The following ZPLD1 variants were observed in gnomAD, a reference collection of about 807,000 sequenced individuals.
The protein encoded by ZPLD1 is zona pellucida like domain containing 1, also known as zona pellucida-like domain-containing protein 1.
In ZPLD1, 34 loss-of-function variants were observed where a neutral mutation model predicts 47.2. That is an observed-to-expected ratio of 0.72 (90% CI 0.55 to 0.96). ZPLD1 has a LOEUF of 0.96. Ranked by LOEUF, ZPLD1 falls within the 40% of genes least tolerant of loss-of-function variation. The probability of loss-of-function intolerance (pLI) is 0.00; values close to 1 mark genes in which losing one functional copy is unlikely to be tolerated. For synonymous variants in ZPLD1, 176 were observed against 186.2 expected (o/e 0.95, Z 0.45); for missense variants, 512 against 505.8 (o/e 1.01, Z -0.12).
chr3:102,405,866 G>A (rs1029568054), intron 7 of ZPLD1, among the ~76,000 whole-genome samples: 17 of 151,884 alleles, frequency 1.1e-4, no homozygotes, highest in South Asian at 4.1e-4. Context: ...TGGATCTTTC[G>A]CCCGTTTGGG....
At chr3:102,473,799 T>C (rs1045527738) in intron 10 of ZPLD1, among the ~76,000 whole-genome samples, 1 of 152,190 alleles carries the variant, frequency 6.6e-6, no homozygotes, top group African/African-American at 2.4e-5. Flanking sequence ...AACTTCATGT[T>C]CAACTTCATG....
At chr3:102,435,759 C>G (rs1361763661) in intron 1 of ZPLD1, among the ~76,000 whole-genome samples, 1 of 151,774 alleles carries the variant, frequency 6.6e-6, no homozygotes, top group African/African-American at 2.4e-5. Context: ...TCTCCTGCCT[C>G]AGCCTCCCGA....
At chr3:102,390,096 G>A (rs963031123) in intron 6 of ZPLD1, among the ~76,000 whole-genome samples, 5 of 152,152 alleles carry the variant, frequency 3.3e-5, no homozygotes, top group African/African-American at 1.2e-4. Context: ...TTAATAACCA[G>A]ATATAACTTG....
At chr3:102,461,656 G>T (rs757224803) in intron 6 of ZPLD1, among the ~76,000 whole-genome samples, 1 of 151,870 alleles carries the variant, frequency 6.6e-6, no homozygotes, top group Non-Finnish European at 1.5e-5. Flanking sequence ...ATTATTTAAA[G>T]CTTGCATCTT....
chr3:102,393,128 G>A (rs1706517120), intron 7 of ZPLD1, among the ~76,000 whole-genome samples: 1 of 151,978 alleles, frequency 6.6e-6, no homozygotes, highest in Non-Finnish European at 1.5e-5. Context: ...TTATATATTG[G>A]AACTAAAGTT....
intron 3 of ZPLD1, among the ~76,000 whole-genome samples, chr3:102,447,274 C>T (rs1307075212): frequency 6.6e-6 from 1 of 152,094 alleles, no homozygotes; most frequent in Non-Finnish European, 1.5e-5. Flanking sequence ...CCATGTTGGC[C>T]AGGATGGTCT....
intron 5 of ZPLD1, 43 bp from the exon 6 acceptor site, chr3:102,457,738 C>CT: frequency 6.3e-7 from 1 of 1,586,486 alleles, no homozygotes; most frequent in Non-Finnish European, 8.7e-7. Context: ...CACTTTTACT[C>CT]TAAAATCTCA....
In ZPLD1 at chr3:102,452,955, C is replaced by G; in HGVS notation, c.143C>G (p.Ala48Gly). 1 of 1,614,000 alleles carries G rather than the reference C, an allele frequency of 6.2e-7. No individual in the cohort carries two copies. ...RDISVYCGVQAITMKINFCTV... is the reference protein window; with the variant it reads ...RDISVYCGVQGITMKINFCTV... ...ATCAGTGTCTATTGTGGAGTGCAGGCTATTACGATGAAGATTAATTTTTGC... is the reference window on the plus strand; with the variant it reads ...ATCAGTGTCTATTGTGGAGTGCAGGGTATTACGATGAAGATTAATTTTTGC... The change falls in exon 4 of 12, where the codon GCT (alanine) becomes GGT (glycine). Residue 48 changes from alanine to glycine, a missense_variant. Ala to Gly is a moderately conservative substitution (Grantham distance 60, BLOSUM62 0). Coordinates refer to ENST00000466937, the MANE Select transcript of ZPLD1 (RefSeq NM_001329788.2).
intron 10 of ZPLD1, among the ~76,000 whole-genome samples, chr3:102,470,877 C>A (rs1301096128): frequency 6.6e-6 from 1 of 151,934 alleles, no homozygotes; most frequent in East Asian, 1.9e-4. Flanking sequence ...CTCCCGGGTT[C>A]AAGAGATTCT....
intron 7 of ZPLD1, among the ~76,000 whole-genome samples, chr3:102,407,360 A>G: frequency 8.6e-6 from 1 of 116,912 alleles, no homozygotes; most frequent in East Asian, 2.8e-4. Flanking sequence ...TAAAATTTTT[A>G]TTTCAGGTAT....
At chr3:102,413,048 A>G (rs1706763523) in intron 7 of ZPLD1, among the ~76,000 whole-genome samples, 1 of 151,796 alleles carries the variant, frequency 6.6e-6, no homozygotes, top group Non-Finnish European at 1.5e-5. Context: ...CAGAGCTAGA[A>G]TAGAAACTGG....
At chr3:102,409,281 G>A (rs545888792) in intron 7 of ZPLD1, among the ~76,000 whole-genome samples, 10 of 151,848 alleles carry the variant, frequency 6.6e-5, no homozygotes, top group African/African-American at 2.4e-4. Context: ...CCACCATTTG[G>A]CTAAGATAAA....
chr3:102,407,548 T>A (rs1706704775), intron 7 of ZPLD1, among the ~76,000 whole-genome samples: 1 of 149,878 alleles, frequency 6.7e-6, no homozygotes, highest in Non-Finnish European at 1.5e-5. Flanking sequence ...AGCTACAATA[T>A]TCAGTTCTCA....
intron 9 of ZPLD1, 34 bp downstream of exon 9, chr3:102,469,169 G>A (rs1183508368): frequency 1.3e-6 from 2 of 1,593,596 alleles, no homozygotes; most frequent in East Asian, 2.2e-5. Context: ...TTAAGTTGTT[G>A]AATTGATCTA....
intron 10 of ZPLD1, 65 bp downstream of exon 10, chr3:102,470,567 C>CAAG: frequency 7.8e-7 from 1 of 1,288,026 alleles, no homozygotes; most frequent in Non-Finnish European, 1.1e-6. Context: ...TACTTGGCTT[C>CAAG]TAACGAGAAC....
chr3:102,390,366 T>C lies in ZPLD1; in HGVS notation c.-212-1804T>C, dbSNP rs529055519. ...TACCACCATACTATCAATGGAAATATGAAAACAGCATGTAACCACATTTTA... is the reference window on the plus strand; with the variant it reads ...TACCACCATACTATCAATGGAAATACGAAAACAGCATGTAACCACATTTTA... On this transcript the variant is annotated intron_variant, in intron 6 of 17. Coordinates refer to the ZPLD1 transcript ENST00000491959. Among the ~76,000 whole-genome samples the C allele has an allele frequency of 3.3e-5, 5 of 152,304 alleles. No homozygotes were observed. The East Asian group carries it at 9.6e-4, about 29-fold the overall frequency.
chr3:102,469,535 C>G (rs1219146695), intron 9 of ZPLD1, among the ~76,000 whole-genome samples: 1 of 152,132 alleles, frequency 6.6e-6, no homozygotes, highest in Non-Finnish European at 1.5e-5. Flanking sequence ...GCTGTTACTT[C>G]GAAGAGGACT....
At chr3:102,430,711 T>C (rs2107314095), upstream of ZPLD1, among the ~76,000 whole-genome samples, 1 of 152,332 alleles carries the variant, frequency 6.6e-6, no homozygotes, top group South Asian at 2.1e-4. Context: ...AGTGGGTTTA[T>C]ATTCAGCCAA....
At chr3:102,390,240 C>T (rs978531778) in intron 6 of ZPLD1, among the ~76,000 whole-genome samples, 73 of 152,162 alleles carry the variant, frequency 4.8e-4, no homozygotes, top group Non-Finnish European at 1.2e-4. Context: ...AATAAACACA[C>T]AGCGTGCTTT....
Sources: gnomAD v4.1 joint callset for allele counts (sites outside exome capture counted in the v4.1 genomes callset) on GRCh38, gnomAD v4.1.1 for gene constraint, MANE v1.5 for transcripts, NCBI Gene and HGNC (gene_info 2026-07-23, HGNC 2026-07-21) for gene names.